The following PHACTR3 variants were observed in gnomAD, a reference collection of about 807,000 sequenced individuals.
PHACTR3 encodes phosphatase and actin regulator 3.
PHACTR3 carries 16 observed loss-of-function variants against 66.8 expected under a neutral mutation model. That is an observed-to-expected ratio of 0.24 (90% CI 0.16 to 0.36). The LOEUF (loss-of-function observed/expected upper bound fraction) is 0.36. PHACTR3 is among the 10% of genes least tolerant of loss of function. The pLI, the probability that PHACTR3 is intolerant of heterozygous loss-of-function variation, is 1.00. For synonymous variants in PHACTR3, 323 were observed against 292.1 expected (o/e 1.11, Z -1.08); for missense variants, 647 against 719.9 (o/e 0.90, Z 1.16).
chr20:59,626,988 T>C (rs900050612), intron 1 of PHACTR3: 5 of 152,208 alleles, frequency 3.3e-5, no homozygotes, highest in Non-Finnish European at 7.3e-5. Flanking sequence ...AATTGGCAAA[T>C]GTACATATCA....
intron 7 of PHACTR3, among the ~76,000 whole-genome samples, chr20:59,795,064 G>A (rs2041213030): frequency 6.6e-6 from 1 of 151,340 alleles, no homozygotes; most frequent in East Asian, 1.9e-4. Context: ...TCTTTTCCTG[G>A]TTTCTTGAGG....
chr20:59,612,963 C>T lies in PHACTR3; in HGVS notation c.118+7831C>T, dbSNP rs138597879. Among the ~76,000 whole-genome samples, 809 of 152,078 alleles carry T rather than the reference C, an allele frequency of 5.3e-3. 5 individuals carry two copies. Among genetic ancestry groups the T allele is most frequent in the Non-Finnish European group, 8.9e-3 (607 of 68,000 alleles). On this transcript the variant is annotated intron_variant, in intron 1 of 12. Transcript: ENST00000371015. ...AAGAGAGGGATGAGGAAGGGAGGTG[C>T]CAGGCTTTTTTAAACAACCAGATCT... is the stretch of plus-strand genomic sequence containing the variant.
At chr20:59,659,404 C>A (rs139175058) in intron 1 of PHACTR3, among the ~76,000 whole-genome samples, 1 of 129,392 alleles carries the variant, frequency 7.7e-6, no homozygotes, top group Non-Finnish European at 1.5e-5. Context: ...GAGACAGTCT[C>A]GCTCTGTCAC....
upstream of PHACTR3, among the ~76,000 whole-genome samples, chr20:59,602,410 C>T (rs2033504365): frequency 2.0e-5 from 3 of 147,812 alleles, no homozygotes; most frequent in South Asian, 6.4e-4. Context: ...CCACTGCACT[C>T]CAGCCTGGAA....
intron 1 of PHACTR3, among the ~76,000 whole-genome samples, chr20:59,729,419 G>C (rs2038686076): frequency 6.6e-6 from 1 of 152,120 alleles, no homozygotes; most frequent in Non-Finnish European, 1.5e-5. Flanking sequence ...TGTGCAGAGT[G>C]AGGGGGCAGT....
At chr20:59,739,614 G>T (rs1359801312) in intron 1 of PHACTR3, among the ~76,000 whole-genome samples, 2 of 152,110 alleles carry the variant, frequency 1.3e-5, no homozygotes, top group African/African-American at 4.8e-5. Context: ...ATATCATGCG[G>T]ACAGCATGGG....
At chr20:59,741,465 C>T (rs1017772516) in intron 1 of PHACTR3, among the ~76,000 whole-genome samples, 8 of 152,158 alleles carry the variant, frequency 5.3e-5, no homozygotes, top group Non-Finnish European at 7.4e-5. Context: ...CCAGAAGAAA[C>T]GTCCCTTCCC....
chr20:59,812,989 G>A (rs1252428723), intron 8 of PHACTR3, among the ~76,000 whole-genome samples: 11 of 152,214 alleles, frequency 7.2e-5, no homozygotes, highest in Non-Finnish European at 1.5e-4. Flanking sequence ...CTTGCTGCCT[G>A]AGGCCAAGCA....
intron 1 of PHACTR3, among the ~76,000 whole-genome samples, chr20:59,716,023 T>A (rs2038078461): frequency 6.6e-6 from 1 of 151,984 alleles, no homozygotes; most frequent in Admixed American, 6.6e-5. Flanking sequence ...AGTTTGAGAG[T>A]GTGTGTCCAT....
chr20:59,652,509 C>T (rs1388273174), intron 1 of PHACTR3, among the ~76,000 whole-genome samples: 1 of 152,150 alleles, frequency 6.6e-6, no homozygotes, highest in African/African-American at 2.4e-5. Flanking sequence ...TATGATTGCA[C>T]TTTGTGCCAC....
intron 7 of PHACTR3, among the ~76,000 whole-genome samples, chr20:59,779,377 A>G (rs577737222): frequency 3.9e-5 from 6 of 152,354 alleles, no homozygotes; most frequent in African/African-American, 1.4e-4. Context: ...AATTACTCAC[A>G]GTAGGAAAGG....
rs1021841816 is a variant in PHACTR3, at chr20:59,829,714, C to T, written c.1329-6791C>T. Among the ~76,000 whole-genome samples the T allele has an allele frequency of 1.6e-4, 24 of 152,354 alleles. No homozygotes were observed. Among genetic ancestry groups the T allele is most frequent in the Middle Eastern group, 6.8e-3 (2 of 294 alleles). ...CCCAGAAAGGAGCCTCCCAAAATAG[C>T]CCGGGCGTCCCCTGTGGGTGTCGAG... On this transcript the variant is annotated intron_variant, in intron 8 of 12. Transcript: ENST00000371015. This position sits in a 1 kb window ranked among gnomAD's most constrained non-coding sequence, Gnocchi z 4.2.
chr20:59,745,044 C>T (rs117046300), intron 2 of PHACTR3, among the ~76,000 whole-genome samples: 3,980 of 152,256 alleles, frequency 0.026, 74 homozygotes, highest in Non-Finnish European at 0.036. Context: ...GGCAGGATCA[C>T]GGAGCAGGCC....
At chr20:59,778,553 G>A (rs1459141669) in intron 7 of PHACTR3, among the ~76,000 whole-genome samples, 3 of 152,226 alleles carry the variant, frequency 2.0e-5, no homozygotes, top group African/African-American at 7.2e-5. Flanking sequence ...TTTCCCCTAC[G>A]GCAGCGTCCC....
intron 3 of PHACTR3, 109 bp from the exon 4 acceptor site, chr20:59,755,073 G>T (rs1182477): frequency 7.9e-6 from 9 of 1,133,444 alleles, no homozygotes; most frequent in South Asian, 4.7e-5. Context: ...AGAGGGGTGG[G>T]GGACCACCCA....
Position 59,736,340 on chromosome 20 carries a change from G to A in PHACTR3, c.119-6767G>A, listed in dbSNP as rs1287204207. ...TCCAGAGTCTCTCCAGTGTGAGAAG[G>A]CAGTTCCTCAGGAACTGCAGGGAGA... On this transcript the variant is annotated intron_variant, in intron 1 of 12. Transcript: ENST00000371015. The surrounding 1 kb of genome is among the most constrained non-coding windows in gnomAD (Gnocchi z 4.6). 6.6e-6 allele frequency among the ~76,000 whole-genome samples: 1 copy of A among 152,128 alleles called. No homozygotes were observed. The highest frequency in any genetic ancestry group is 1.5e-5 in the Non-Finnish European group (1 of 68,004).
intron 8 of PHACTR3, 150 bp downstream of exon 8, chr20:59,806,344 G>C: frequency 1.0e-6 from 1 of 964,544 alleles, no homozygotes; most frequent in Non-Finnish European, 1.5e-6. Flanking sequence ...TTGACGTTTG[G>C]GGCCGTGTGG....
intron 8 of PHACTR3, chr20:59,836,086 C>T (rs1356192954): frequency 6.3e-6 from 1 of 159,754 alleles, no homozygotes; most frequent in East Asian, 1.9e-4. Flanking sequence ...AATCTCCCAG[C>T]ATCTCTGGAT....
intron 6 of PHACTR3, 112 bp downstream of exon 6, chr20:59,773,565 C>T (rs1204354872): frequency 4.4e-6 from 5 of 1,128,994 alleles, no homozygotes; most frequent in Non-Finnish European, 6.1e-6. Flanking sequence ...TCCCGTTCTA[C>T]AGTCACTTTC....
Sources: gnomAD v4.1 joint callset for allele counts (sites outside exome capture counted in the v4.1 genomes callset) on GRCh38, gnomAD v4.1.1 for gene constraint, Gnocchi (gnomAD v3.1) non-coding constraint, MANE v1.5 for transcripts, NCBI Gene and HGNC (gene_info 2026-07-23, HGNC 2026-07-21) for gene names.